CAPN11: variants seen among roughly 807,000 people sequenced by gnomAD.
CAPN11 encodes calpain-11.
CAPN11 carries 108 observed loss-of-function variants against 105.3 expected under a neutral mutation model. The ratio of observed to expected loss-of-function variants is 1.03; its 90% CI spans 0.88 to 1.20. The LOEUF is 1.20. Among genes scored for constraint, CAPN11 ranks in the 50% most tolerant of loss-of-function variants. The pLI is 0.00. For missense variants in CAPN11, 883 were observed against 924.8 expected, an observed-to-expected ratio of 0.95 and a Z score of 0.59; for synonymous variants, 329 against 344.5, an observed-to-expected ratio of 0.96 and a Z score of 0.50.
intron 7 of CAPN11, among the ~76,000 whole-genome samples, chr6:44,174,081 AC>A (rs1439966683): frequency 6.6e-6 from 1 of 152,112 alleles, no homozygotes; most frequent in Admixed American, 6.6e-5. Context: ...TGCAATAGGC[AC>A]CCAACCAACA....
intron 1 of CAPN11, among the ~76,000 whole-genome samples, chr6:44,160,920 A>G (rs957575044): frequency 6.6e-6 from 1 of 152,212 alleles, no homozygotes; most frequent in Admixed American, 6.5e-5. Context: ...TTATAAACTA[A>G]ACTTTATCAT....
chr6:44,164,880 TTTTATTTATTTA>T (rs201502867), intron 1 of CAPN11, among the ~76,000 whole-genome samples: 1 of 151,772 alleles, frequency 6.6e-6, no homozygotes, highest in South Asian at 2.1e-4. Flanking sequence ...TTATGTTATG[TTTTATTTATTTA>T]TTTATTTATT....
chr6:44,177,946 C>T (rs1772408608), intron 12 of CAPN11, among the ~76,000 whole-genome samples: 1 of 152,132 alleles, frequency 6.6e-6, no homozygotes, highest in Non-Finnish European at 1.5e-5. Flanking sequence ...CGGCCCTGAC[C>T]TCCCAGGCTC....
chr6:44,183,260 C>A, intron 21 of CAPN11, 25 bp downstream of exon 21: 1 of 1,462,900 alleles, frequency 6.8e-7, no homozygotes. Context: ...TACCCACTCC[C>A]CAGCCTAGGC....
At chr6:44,181,353 T>A in intron 19 of CAPN11, 33 bp downstream of exon 19, 1 of 1,593,000 alleles carries the variant, frequency 6.3e-7, no homozygotes. Context: ...CCTCCAGGGG[T>A]GAGGAAAAGA....
intron 19 of CAPN11, among the ~76,000 whole-genome samples, chr6:44,181,562 GACACAACCACACCACACATACACACT>G (rs1773396796): frequency 4.3e-5 from 1 of 23,478 alleles, no homozygotes. Flanking sequence ...CTCACATACA[GACACAACCACACCACACATACACACT>G]CACATACAGA....
At chr6:44,170,050 G>A in intron 4 of CAPN11, 75 bp downstream of exon 4, 2 of 1,203,170 alleles carry the variant, frequency 1.7e-6, no homozygotes, top group Non-Finnish European at 2.4e-6. Flanking sequence ...GTCTTTTGAA[G>A]CTGGGAAACA....
At chr6:44,163,411 T>C (rs994180452) in intron 1 of CAPN11, among the ~76,000 whole-genome samples, 2 of 152,182 alleles carry the variant, frequency 1.3e-5, no homozygotes, top group Non-Finnish European at 2.9e-5. Flanking sequence ...CCAAGGCCAG[T>C]TGACTCACTC....
chr6:44,178,515 T>C (rs1187727063), intron 12 of CAPN11, among the ~76,000 whole-genome samples: 1 of 152,120 alleles, frequency 6.6e-6, no homozygotes, highest in Non-Finnish European at 1.5e-5. Context: ...GCCAGGCCCC[T>C]GTCCAGTCTC....
At chr6:44,161,715 C>A (rs1768843075) in intron 1 of CAPN11, 16 of 448,962 alleles carry the variant, frequency 3.6e-5, no homozygotes, top group South Asian at 2.0e-4. Context: ...TAAGATGGAA[C>A]CTGAATTGCC....
chr6:44,168,747 G>T (rs1053253362), intron 2 of CAPN11, among the ~76,000 whole-genome samples: 1 of 151,810 alleles, frequency 6.6e-6, no homozygotes, highest in African/African-American at 2.4e-5. Flanking sequence ...AGCCTCCCAA[G>T]TAGCTGGATT....
chr6:44,172,965 AC>A lies in CAPN11; in HGVS notation c.555del (p.Asn185LysfsTer4). 6.2e-7 allele frequency: 1 copy of A among 1,613,396 alleles called. No homozygotes were observed. The highest frequency in any genetic ancestry group is 8.5e-7 in the Non-Finnish European group (1 of 1,179,654). On this transcript the variant is annotated frameshift_variant, in exon 6 of 23. Transcript: ENST00000398776. LOFTEE classifies it high-confidence loss of function. ...FQIWQFGQWV[N>X]VVVDDRLPTK... ...ATTTGGCAGTTTGGACAGTGGGTGA[AC>A]GTGGTGGTAGATGACCGGCTGCCCA...
At chr6:44,163,343 G>A (rs940414144) in intron 1 of CAPN11, among the ~76,000 whole-genome samples, 1 of 152,114 alleles carries the variant, frequency 6.6e-6, no homozygotes, top group African/African-American at 2.4e-5. Context: ...TCCACACAGG[G>A]GAAGTGACTT....
At chr6:44,167,497 CAAA>C (rs61107654) in intron 2 of CAPN11, among the ~76,000 whole-genome samples, 9 of 27,072 alleles carry the variant, frequency 3.3e-4, no homozygotes, top group African/African-American at 8.5e-4. Flanking sequence ...GACTCCATCT[CAAA>C]AAAAAAAAAA....
At chr6:44,182,663 G>T (rs545579859) in intron 19 of CAPN11, among the ~76,000 whole-genome samples, 92 of 152,116 alleles carry the variant, frequency 6.0e-4, no homozygotes, top group Non-Finnish European at 1.2e-3. Context: ...TGCGATCTCT[G>T]CTTACTGTAA....
At chr6:44,172,544 T>A in intron 5 of CAPN11, 124 bp downstream of exon 5, 1 of 618,638 alleles carries the variant, frequency 1.6e-6, no homozygotes, top group Non-Finnish European at 2.8e-6. Context: ...TTGGACTAAT[T>A]ATCAGAGAAA....
At chr6:44,159,413 G>A (rs902689410) in intron 1 of CAPN11, among the ~76,000 whole-genome samples, 1 of 152,102 alleles carries the variant, frequency 6.6e-6, no homozygotes, top group Middle Eastern at 3.2e-3. Flanking sequence ...GGGGAGGGCT[G>A]GGCAGAACTG....
chr6:44,177,618 G>A (rs1333691191), intron 12 of CAPN11, 198 bp downstream of exon 12: 4 of 579,990 alleles, frequency 6.9e-6, no homozygotes, highest in Non-Finnish European at 1.2e-5. Flanking sequence ...CTTCCCAGTA[G>A]CTGGATTACA....
At chr6:44,161,845 C>T in intron 1 of CAPN11, 1 of 456,278 alleles carries the variant, frequency 2.2e-6, no homozygotes, top group Non-Finnish European at 4.4e-6. Context: ...TAGAGGCTGC[C>T]TGGAGTGACT....
Sources: gnomAD v4.1 joint callset for allele counts (sites outside exome capture counted in the v4.1 genomes callset) on GRCh38, gnomAD v4.1.1 for gene constraint, MANE v1.5 for transcripts, NCBI Gene and HGNC (gene_info 2026-07-23, HGNC 2026-07-21) for gene names.